STEAP4: variants seen among roughly 807,000 people sequenced by gnomAD.
STEAP4 encodes STEAP4 metalloreductase.
In STEAP4, 36 loss-of-function variants were observed where a neutral mutation model predicts 43.6. That is an observed-to-expected ratio of 0.83 (90% confidence interval 0.63 to 1.09). The LOEUF is 1.09. STEAP4 is among the 50% of genes least tolerant of loss of function. The pLI is 0.00. For missense variants in STEAP4, 495 were observed against 546.5 expected, an observed-to-expected ratio of 0.91 and a Z score of 0.94; for synonymous variants, 191 against 196.7, an observed-to-expected ratio of 0.97 and a Z score of 0.24.
chr7:88,283,182 AGTTAATTAATTCT>A lies in STEAP4; in HGVS notation c.457-27_457-15del. 2 of 1,520,806 alleles carry A rather than the reference AGTTAATTAATTCT, an allele frequency of 1.3e-6. No individual in the cohort carries two copies. Among genetic ancestry groups the A allele is most frequent in the Non-Finnish European group, 1.8e-6 (2 of 1,138,016 alleles). 94.2% of individuals were successfully genotyped at this position (1,520,806 alleles called of 1,614,324 possible). On this transcript the variant is annotated splice_polypyrimidine_tract_variant and intron_variant, in intron 2 of 4. Coordinates refer to ENST00000380079, the MANE Select transcript of STEAP4 (RefSeq NM_024636.4). Reference sequence around the variant, plus strand: ...ACACACAAACACCTAGTTTAAAAACAGTTAATTAATTCTGTATTTACTCCTTTTCCTTATTTAA... The same window carrying A: ...ACACACAAACACCTAGTTTAAAAACAGTATTTACTCCTTTTCCTTATTTAA...
intron 1 of STEAP4, among the ~76,000 whole-genome samples, chr7:88,295,688 C>T (rs117563051): frequency 0.012 from 1,803 of 152,278 alleles, 20 homozygotes; most frequent in Middle Eastern, 0.02. Flanking sequence ...ATCAATTGAT[C>T]TGAGGTAGAG....
chr7:88,290,387 G>A (rs563242590), intron 1 of STEAP4: 4 of 152,204 alleles, frequency 2.6e-5, no homozygotes, highest in African/African-American at 7.2e-5. Context: ...GATACTGCGA[G>A]TGAGGACAGC....
chr7:88,291,531 C>T (rs1400163803), intron 1 of STEAP4, among the ~76,000 whole-genome samples: 1 of 142,170 alleles, frequency 7.0e-6, no homozygotes, highest in Non-Finnish European at 1.6e-5. Flanking sequence ...TATATGCACA[C>T]TCTCAACCAC....
chr7:88,286,085 T>G (rs530683403), intron 1 of STEAP4, among the ~76,000 whole-genome samples: 1 of 152,338 alleles, frequency 6.6e-6, no homozygotes, highest in South Asian at 2.1e-4. Context: ...CAAAGTTTTA[T>G]AGCTGATTAT....
At chr7:88,304,330 T>G (rs1853092621) in intron 1 of STEAP4, 1 of 147,898 alleles carries the variant, frequency 6.8e-6, no homozygotes, top group African/African-American at 2.4e-5. Context: ...AAACTTAAAG[T>G]ATAATAATAA....
chr7:88,295,611 CTGG>C (rs1563502782), intron 1 of STEAP4, among the ~76,000 whole-genome samples: 3 of 152,108 alleles, frequency 2.0e-5, no homozygotes. Flanking sequence ...GTTCTTCTTC[CTGG>C]TAACACATTA....
Position 88,273,591 on chromosome 7 carries a change from G to T in STEAP4, c.*5807C>A, listed in dbSNP as rs939629938. ...AAGTGTTATGAAATTTCTTGCATGG[G>T]TTACTGGATCTCAAAAACAAATAAG... is the stretch of plus-strand genomic sequence containing the variant. On this transcript the variant is annotated 3_prime_UTR_variant, in exon 5 of 5. Transcript: ENST00000380079. 6.6e-6 allele frequency: 1 copy of T among 152,018 alleles called. No individual in the cohort carries two copies. Among genetic ancestry groups the T allele is most frequent in the Non-Finnish European group, 1.5e-5 (1 of 68,020 alleles). 9.4% of individuals were successfully genotyped at this position (152,018 alleles called of 1,614,324 possible). A position where few individuals can be genotyped will look rare whatever the true frequency, so the allele number is the denominator to read the frequency against.
intron 1 of STEAP4, among the ~76,000 whole-genome samples, chr7:88,302,782 C>A (rs1273336753): frequency 1.3e-5 from 2 of 151,752 alleles, no homozygotes; most frequent in Non-Finnish European, 1.5e-5. Context: ...GGCGAAACCC[C>A]ATCTCTACTA....
chr7:88,281,651 A>AT (rs1478065076), intron 3 of STEAP4: 1 of 152,188 alleles, frequency 6.6e-6, no homozygotes, highest in African/African-American at 2.4e-5. Context: ...CTAACTAATA[A>AT]TTTTTGAGAC....
intron 1 of STEAP4, among the ~76,000 whole-genome samples, chr7:88,288,825 C>T (rs2115980797): frequency 6.6e-6 from 1 of 151,782 alleles, no homozygotes; most frequent in Middle Eastern, 3.4e-3. Context: ...TTACCCAAAA[C>T]TAAAAAAAAA....
At chr7:88,281,189 G>A in intron 3 of STEAP4, 110 bp from the exon 4 acceptor site, 1 of 773,520 alleles carries the variant, frequency 1.3e-6, no homozygotes, top group Non-Finnish European at 1.8e-6. Context: ...CAAATTGTAT[G>A]GCATTTCTTA....
chr7:88,303,197 A>AC (rs1172248847), intron 1 of STEAP4, among the ~76,000 whole-genome samples: 32 of 144,114 alleles, frequency 2.2e-4, no homozygotes, highest in African/African-American at 7.5e-4. Context: ...AAAAAAAAAA[A>AC]AAAAAAAAAA....
Position 88,275,600 on chromosome 7 carries a change from GGTGT to G in STEAP4, c.*3794_*3797del, listed in dbSNP as rs35621332. On this transcript the variant is annotated 3_prime_UTR_variant, in exon 5 of 5. Transcript: ENST00000380079. ...TAAGGCTATCTGTGGGCTCTCATGG[GGTGT>G]GTGTGTGTGTGTGTGTGTGTGTGTG... The G allele has an allele frequency of 4.2e-3, 614 of 144,934 alleles. 3 individuals are homozygous for G. The highest frequency in any genetic ancestry group is 0.015 in the East Asian group (73 of 4,932). The allele number at this position is 144,934 out of a possible 1,614,324, so 9.0% of individuals were successfully genotyped here.
chr7:88,286,764 A>AC (rs1852741999), intron 1 of STEAP4, among the ~76,000 whole-genome samples: 5 of 133,766 alleles, frequency 3.7e-5, no homozygotes, highest in African/African-American at 8.3e-5. Flanking sequence ...CATACATATA[A>AC]ACACACACAC....
At chr7:88,279,749 A>T in intron 4 of STEAP4, 121 bp from the exon 5 acceptor site, 2 of 785,580 alleles carry the variant, frequency 2.5e-6, no homozygotes, top group Non-Finnish European at 4.0e-6. Context: ...AATGTTTAGG[A>T]CACTTTGCCA....
At chr7:88,301,716 C>T (rs779727160) in intron 1 of STEAP4, among the ~76,000 whole-genome samples, 15 of 152,098 alleles carry the variant, frequency 9.9e-5, no homozygotes, top group Non-Finnish European at 7.4e-5. Flanking sequence ...GCAGGGACTA[C>T]AGGTGTGCAC....
At position 88,272,880 on chromosome 7, in the gene STEAP4, G is replaced by A. The variant is rs1277817746; in HGVS notation, c.*6518C>T. 14 of 152,242 alleles carry A rather than the reference G, an allele frequency of 9.2e-5. No individual in the cohort carries two copies. The highest frequency in any genetic ancestry group is 3.1e-4 in the African/African-American group (13 of 41,556). The allele number at this position is 152,242 out of a possible 1,614,324, so 9.4% of individuals were successfully genotyped here. On this transcript the variant is annotated 3_prime_UTR_variant, in exon 5 of 5. Coordinates refer to ENST00000380079, the MANE Select transcript of STEAP4 (RefSeq NM_024636.4). ...AAACAAAAGATTTCCTGTTGGTGAT[G>A]GTCAATACTCCATCATGAGAAGAGT...
rs1271558256 is a variant in STEAP4, at chr7:88,274,725, T to C, written c.*4673A>G. On this transcript the variant is annotated 3_prime_UTR_variant, in exon 5 of 5. Coordinates refer to ENST00000380079, the MANE Select transcript of STEAP4 (RefSeq NM_024636.4). ...TCTTGATTATATGCTAAACAAGGGA[T>C]GGATTATTCATGAGATGTTCAGGAA... is the stretch of plus-strand genomic sequence containing the variant. The C allele has an allele frequency of 6.6e-6, 1 of 152,104 alleles. No individual in the cohort carries two copies. Among genetic ancestry groups the C allele is most frequent in the East Asian group, 1.9e-4 (1 of 5,192 alleles). The allele number at this position is 152,104 out of a possible 1,614,324, so 9.4% of individuals were successfully genotyped here.
Position 88,278,166 on chromosome 7 carries a change from C to G in STEAP4, c.*1232G>C, listed in dbSNP as rs1278411808. On this transcript the variant is annotated 3_prime_UTR_variant, in exon 5 of 5. Transcript: ENST00000380079. Reference sequence around the variant, plus strand: ...AGATCATGCATAAGGCTCCTTTTAGCTCATTGCTTGAGCTAGGAAGGTTAA... The same window carrying G: ...AGATCATGCATAAGGCTCCTTTTAGGTCATTGCTTGAGCTAGGAAGGTTAA... The G allele has an allele frequency of 2.0e-5, 3 of 151,902 alleles. No homozygotes were observed. Among genetic ancestry groups the G allele is most frequent in the Non-Finnish European group, 4.4e-5 (3 of 68,002 alleles). The allele number at this position is 151,902 out of a possible 1,614,324, so 9.4% of individuals were successfully genotyped here.
Sources: allele counts gnomAD v4.1 joint callset (sites outside exome capture counted in the v4.1 genomes callset), GRCh38; gene constraint gnomAD v4.1.1; transcripts MANE v1.5; gene names NCBI Gene and HGNC (gene_info 2026-07-23, HGNC 2026-07-21).